Variants in MEOX2 observed in about 807,000 individuals in gnomAD.
MEOX2 encodes the protein mesenchyme homeobox 2.
In MEOX2, 11 loss-of-function variants were observed where a neutral mutation model predicts 27.0. The observed-to-expected ratio is 0.41, with a 90% CI of 0.26 to 0.68. MEOX2 has a LOEUF of 0.68. Among genes scored for constraint, MEOX2 ranks in the 30% least tolerant of loss-of-function variants. MEOX2 has a pLI of 0.33. For synonymous variants in MEOX2, 189 were observed against 155.4 expected (o/e 1.22, Z -1.61); for missense variants, 436 against 385.4 (o/e 1.13, Z -1.10).
chr7:15,621,865 T>C (rs1781227385), intron 2 of MEOX2, among the ~76,000 whole-genome samples: 1 of 152,164 alleles, frequency 6.6e-6, no homozygotes. Flanking sequence ...AAGCCCGTAA[T>C]CTCAGCACTT....
intron 1 of MEOX2, among the ~76,000 whole-genome samples, chr7:15,662,129 T>C (rs1188318834): frequency 7.6e-6 from 1 of 131,634 alleles, no homozygotes; most frequent in Non-Finnish European, 1.5e-5. Context: ...TAGGAAAATC[T>C]CGAACAGAAA....
chr7:15,616,988 G>A (rs1781133847), intron 2 of MEOX2, among the ~76,000 whole-genome samples: 1 of 151,946 alleles, frequency 6.6e-6, no homozygotes, highest in Admixed American at 6.6e-5. Flanking sequence ...TGTCCTTTTA[G>A]GTTTCACAAT....
chr7:15,655,888 G>GT (rs1047710955), intron 1 of MEOX2, among the ~76,000 whole-genome samples: 1 of 151,736 alleles, frequency 6.6e-6, no homozygotes, highest in South Asian at 2.1e-4. Flanking sequence ...GTGTTGTTAA[G>GT]TTTTTTTATA....
At chr7:15,615,636 T>C (rs1466890866) in intron 2 of MEOX2, among the ~76,000 whole-genome samples, 1 of 152,060 alleles carries the variant, frequency 6.6e-6, no homozygotes, top group Non-Finnish European at 1.5e-5. Flanking sequence ...TGGGTTCTAC[T>C]CTTGGCTTTA....
chr7:15,652,841 T>C (rs1004159871), intron 1 of MEOX2, among the ~76,000 whole-genome samples: 5 of 152,018 alleles, frequency 3.3e-5, no homozygotes, highest in African/African-American at 4.8e-5. Flanking sequence ...TGGTTTTCCA[T>C]GTTATGGATG....
At chr7:15,645,601 T>C (rs1781629573) in intron 1 of MEOX2, among the ~76,000 whole-genome samples, 1 of 152,106 alleles carries the variant, frequency 6.6e-6, no homozygotes, top group South Asian at 2.1e-4. Flanking sequence ...CAAACAGAAA[T>C]GTAAAGAATT....
chr7:15,629,917 T>C (rs1252320940), intron 1 of MEOX2, among the ~76,000 whole-genome samples: 1 of 152,026 alleles, frequency 6.6e-6, no homozygotes, highest in Admixed American at 6.6e-5. Flanking sequence ...TTTCCATCTG[T>C]TTCCCAGCTG....
chr7:15,618,242 A>C (rs1157637948), intron 2 of MEOX2, among the ~76,000 whole-genome samples: 1 of 152,086 alleles, frequency 6.6e-6, no homozygotes, highest in African/African-American at 2.4e-5. Flanking sequence ...AGGAGATAAA[A>C]AATAGACACA....
At chr7:15,616,386 A>G (rs1781123826) in intron 2 of MEOX2, among the ~76,000 whole-genome samples, 1 of 151,828 alleles carries the variant, frequency 6.6e-6, no homozygotes, top group South Asian at 2.1e-4. Context: ...ATTAAAATAA[A>G]TGGAGAAGGA....
intron 2 of MEOX2, among the ~76,000 whole-genome samples, chr7:15,617,683 G>A (rs1468176424): frequency 1.3e-5 from 2 of 151,928 alleles, no homozygotes; most frequent in East Asian, 1.9e-4. Flanking sequence ...GGGAGGCTGT[G>A]GAGGGTTAGG....
intron 2 of MEOX2, among the ~76,000 whole-genome samples, chr7:15,624,382 A>G (rs1376340298): frequency 2.6e-5 from 4 of 152,186 alleles, no homozygotes; most frequent in Non-Finnish European, 5.9e-5. Flanking sequence ...CCCCCCTGTG[A>G]TGCTGTGGTT....
intron 2 of MEOX2, among the ~76,000 whole-genome samples, chr7:15,619,617 C>A (rs1437313999): frequency 1.3e-5 from 2 of 151,756 alleles, no homozygotes; most frequent in Non-Finnish European, 2.9e-5. Context: ...CATATGCAAA[C>A]ACATACACAC....
At chr7:15,657,444 T>G (rs553151344) in intron 1 of MEOX2, among the ~76,000 whole-genome samples, 2 of 152,166 alleles carry the variant, frequency 1.3e-5, no homozygotes, top group African/African-American at 4.8e-5. Context: ...ATTCTCCAGT[T>G]TTTCCCTTTG....
At chr7:15,663,335 CTT>C (rs765508723) in intron 1 of MEOX2, among the ~76,000 whole-genome samples, 10 of 142,986 alleles carry the variant, frequency 7.0e-5, no homozygotes, top group Non-Finnish European at 6.2e-5. Flanking sequence ...CTGTAGTAAT[CTT>C]TTTTTTTTTT....
At chr7:15,685,833 C>T in intron 1 of MEOX2, 53 bp downstream of exon 1, 1 of 1,537,316 alleles carries the variant, frequency 6.5e-7, no homozygotes, top group South Asian at 1.3e-5. Context: ...AGTATCTCTC[C>T]GCCCCTTTTC....
intron 1 of MEOX2, among the ~76,000 whole-genome samples, chr7:15,651,423 T>A (rs539724462): frequency 1.3e-5 from 2 of 152,144 alleles, no homozygotes; most frequent in Non-Finnish European, 2.9e-5. Flanking sequence ...GCAATACTAT[T>A]TCTAATCACT....
rs138182189 is a variant in MEOX2, at chr7:15,620,521, C to T, written c.690+6225G>A. Among the ~76,000 whole-genome samples, 841 of 151,712 alleles carry T rather than the reference C, an allele frequency of 5.5e-3. 11 individuals are homozygous for T. Among genetic ancestry groups the T allele is most frequent in the African/African-American group, 0.019 (780 of 41,346 alleles). ...TCAGGAGGCGGAGCTTGCAGTGAGCCGAGATCAAGCCACTGCACTCCAGCC... is the reference window on the plus strand; with the variant it reads ...TCAGGAGGCGGAGCTTGCAGTGAGCTGAGATCAAGCCACTGCACTCCAGCC... On this transcript the variant is annotated intron_variant, in intron 2 of 2. Coordinates refer to ENST00000262041, the MANE Select transcript of MEOX2 (RefSeq NM_005924.5).
intron 1 of MEOX2, among the ~76,000 whole-genome samples, chr7:15,628,234 T>G (rs1462875186): frequency 1.3e-5 from 2 of 152,122 alleles, no homozygotes; most frequent in Non-Finnish European, 2.9e-5. Flanking sequence ...TCTGTCTGCC[T>G]GAGGGATGTT....
intron 1 of MEOX2, among the ~76,000 whole-genome samples, chr7:15,657,876 G>A (rs894356149): frequency 6.6e-6 from 1 of 152,180 alleles, no homozygotes; most frequent in Non-Finnish European, 1.5e-5. Flanking sequence ...TGCTGTGATA[G>A]TGAGGGAATG....
Sources: gnomAD v4.1 joint callset for allele counts (sites outside exome capture counted in the v4.1 genomes callset) on GRCh38, gnomAD v4.1.1 for gene constraint, MANE v1.5 for transcripts, NCBI Gene and HGNC (gene_info 2026-07-23, HGNC 2026-07-21) for gene names.